ANO10: variants seen among roughly 807,000 people sequenced by gnomAD.
The protein encoded by ANO10 is anoctamin-10.
In ANO10, 77 loss-of-function variants were observed where a neutral mutation model predicts 74.7. The ratio of observed to expected loss-of-function variants is 1.03; its 90% CI spans 0.86 to 1.25. ANO10 has a LOEUF of 1.25. Among genes scored for constraint, ANO10 ranks in the 50% most tolerant of loss-of-function variants. The probability of loss-of-function intolerance (pLI) is 0.00; values close to 1 mark genes in which losing one functional copy is unlikely to be tolerated. For missense variants in ANO10, 721 were observed against 778.1 expected, an observed-to-expected ratio of 0.93 and a Z score of 0.87; for synonymous variants, 279 against 284.9, an observed-to-expected ratio of 0.98 and a Z score of 0.21.
intron 11 of ANO10, among the ~76,000 whole-genome samples, chr3:43,541,136 G>A (rs1175833427): frequency 6.6e-6 from 1 of 152,192 alleles, no homozygotes; most frequent in African/African-American, 2.4e-5. Flanking sequence ...GCTCAACAAT[G>A]GGAAATGGTG....
intron 11 of ANO10, chr3:43,485,927 G>T: frequency 8.4e-6 from 2 of 238,446 alleles, no homozygotes. Context: ...TACAGTTTAT[G>T]TCTTTACAGT....
chr3:43,430,008 C>A (rs942333074), intron 12 of ANO10, among the ~76,000 whole-genome samples: 16 of 152,238 alleles, frequency 1.1e-4, no homozygotes, highest in Non-Finnish European at 2.1e-4. Flanking sequence ...AAAGAATGTC[C>A]ATTTCCCAAA....
rs2091419250 is a variant in ANO10 at position 43,366,623 on chromosome 3, C to G, written c.*283G>C. Reference sequence around the variant, plus strand: ...CTCATGGTGAGAGGCTCAAGGGCGGCAGTGGCTCTGCAGCAAAGTTGGCAG... The same window carrying G: ...CTCATGGTGAGAGGCTCAAGGGCGGGAGTGGCTCTGCAGCAAAGTTGGCAG... On this transcript the variant is annotated 3_prime_UTR_variant, in exon 13 of 13. Transcript: ENST00000292246. 3.8e-6 allele frequency: 2 copies of G among 520,698 alleles called. No homozygotes were observed. The highest frequency in any genetic ancestry group is 7.0e-6 in the Non-Finnish European group (2 of 286,830). 32.3% of individuals were successfully genotyped at this position (520,698 alleles called of 1,614,324 possible). A position where few individuals can be genotyped will look rare whatever the true frequency, so the allele number is the denominator to read the frequency against.
At position 43,584,519 on chromosome 3, in the gene ANO10, G is replaced by A. The variant is rs115864368; in HGVS notation, c.473-4047C>T. Among the ~76,000 whole-genome samples, 1,417 of 152,294 alleles carry A rather than the reference G, an allele frequency of 9.3e-3. 12 individuals are homozygous for A. Among genetic ancestry groups the A allele is most frequent in the Non-Finnish European group, 0.014 (969 of 68,040 alleles). On this transcript the variant is annotated intron_variant, in intron 4 of 12. Transcript: ENST00000292246. ...CTAAGCAGCTGAGACAGGGCGAACA[G>A]TGTGAGAGAGCTAGTGTAAGTAAGC...
At chr3:43,389,935 G>A (rs1029453190) in intron 12 of ANO10, among the ~76,000 whole-genome samples, 2 of 152,024 alleles carry the variant, frequency 1.3e-5, no homozygotes, top group African/African-American at 4.8e-5. Context: ...ACAAAACAGC[G>A]GGTTGAGTCA....
At chr3:43,660,288 A>C (rs1256910509) in intron 1 of ANO10, among the ~76,000 whole-genome samples, 4 of 152,194 alleles carry the variant, frequency 2.6e-5, no homozygotes, top group Non-Finnish European at 4.4e-5. Flanking sequence ...GGTTGGTAAT[A>C]ACAAACTTCT....
chr3:43,633,841 C>G (rs1182519721), intron 1 of ANO10, among the ~76,000 whole-genome samples: 1 of 151,280 alleles, frequency 6.6e-6, no homozygotes. Flanking sequence ...CCCATGGGAA[C>G]ATGTGGAAGA....
chr3:43,444,912 A>G (rs1396736237), intron 11 of ANO10, among the ~76,000 whole-genome samples: 1 of 152,162 alleles, frequency 6.6e-6, no homozygotes, highest in African/African-American at 2.4e-5. Flanking sequence ...TCACTAGGTC[A>G]GGAGATCGAG....
At chr3:43,630,760 A>T (rs752910387) in intron 1 of ANO10, among the ~76,000 whole-genome samples, 2 of 152,166 alleles carry the variant, frequency 1.3e-5, no homozygotes, top group African/African-American at 4.8e-5. Context: ...TATTCTGTCT[A>T]ATTCTTTTAA....
intron 11 of ANO10, among the ~76,000 whole-genome samples, chr3:43,521,599 A>AC (rs1309795288): frequency 6.6e-6 from 1 of 152,222 alleles, no homozygotes; most frequent in Non-Finnish European, 1.5e-5. Flanking sequence ...AGGAGGTACT[A>AC]CTTCACATCC....
In ANO10 at chr3:43,366,620, C is replaced by T. The variant is rs1253438695; in HGVS notation, c.*286G>A. The T allele has an allele frequency of 2.1e-5, 11 of 511,872 alleles. No homozygotes were observed. Among genetic ancestry groups the T allele is most frequent in the East Asian group, 7.2e-5 (2 of 27,640 alleles). The allele number at this position is 511,872 out of a possible 1,614,324, so 31.7% of individuals were successfully genotyped here. ...TCACTCATGGTGAGAGGCTCAAGGGCGGCAGTGGCTCTGCAGCAAAGTTGG... is the reference window on the plus strand; with the variant it reads ...TCACTCATGGTGAGAGGCTCAAGGGTGGCAGTGGCTCTGCAGCAAAGTTGG... On this transcript the variant is annotated 3_prime_UTR_variant, in exon 13 of 13. Transcript: ENST00000292246.
At chr3:43,423,030 G>T (rs946415193) in intron 12 of ANO10, among the ~76,000 whole-genome samples, 1 of 151,708 alleles carries the variant, frequency 6.6e-6, no homozygotes, top group African/African-American at 2.4e-5. Context: ...AACTATTTTA[G>T]AATTCTTTCT....
In ANO10 at chr3:43,621,901, C is replaced by A. The variant is rs1308222115; in HGVS notation, c.-12+8G>T. The A allele has an allele frequency of 6.6e-6, 1 of 152,424 alleles. No individual in the cohort carries two copies. Among genetic ancestry groups the A allele is most frequent in the Admixed American group, 6.5e-5 (1 of 15,286 alleles). The allele number at this position is 152,424 out of a possible 1,614,324, so 9.4% of individuals were successfully genotyped here. A position where few individuals can be genotyped will look rare whatever the true frequency, so the allele number is the denominator to read the frequency against. On this transcript the variant is annotated splice_region_variant and intron_variant, in intron 1 of 12. Coordinates refer to ENST00000292246, the MANE Select transcript of ANO10 (RefSeq NM_018075.5). Reference sequence around the variant, plus strand: ...GCTGGGGGGTCCGAGGTGCCCTCCCCGACTCACCAGCCGCCGCAGCGCTCC... The same window carrying A: ...GCTGGGGGGTCCGAGGTGCCCTCCCAGACTCACCAGCCGCCGCAGCGCTCC...
intron 12 of ANO10, among the ~76,000 whole-genome samples, chr3:43,417,022 G>A (rs537072567): frequency 1.3e-5 from 2 of 152,270 alleles, no homozygotes; most frequent in East Asian, 1.9e-4. Flanking sequence ...TGTGCCCAAA[G>A]CTGTGCTAGG....
chr3:43,645,282 A>C (rs955126630), intron 1 of ANO10, among the ~76,000 whole-genome samples: 1 of 152,176 alleles, frequency 6.6e-6, no homozygotes, highest in African/African-American at 2.4e-5. Flanking sequence ...CAAGGTCAAG[A>C]GATTGAGACC....
chr3:43,593,367 G>A (rs1268260951), intron 4 of ANO10, among the ~76,000 whole-genome samples: 4 of 152,192 alleles, frequency 2.6e-5, no homozygotes, highest in South Asian at 2.1e-4. Flanking sequence ...GAGAAAGGTC[G>A]GGTTACCCAC....
At chr3:43,596,937 T>C (rs1360682774) in intron 4 of ANO10, among the ~76,000 whole-genome samples, 3 of 151,854 alleles carry the variant, frequency 2.0e-5, no homozygotes, top group Non-Finnish European at 4.4e-5. Flanking sequence ...AACAACCCCA[T>C]CGAAAAGTGG....
chr3:43,683,467 C>A (rs552073225), intron 1 of ANO10, among the ~76,000 whole-genome samples: 3 of 152,042 alleles, frequency 2.0e-5, no homozygotes, highest in Admixed American at 6.6e-5. Context: ...ATGCTCATGG[C>A]TAGGAAGAAT....
chr3:43,617,537 T>G (rs1222405023), intron 1 of ANO10, among the ~76,000 whole-genome samples: 1 of 152,142 alleles, frequency 6.6e-6, no homozygotes, highest in Non-Finnish European at 1.5e-5. Flanking sequence ...GCTTTTACAT[T>G]AACAACTGGA....
Sources: gnomAD v4.1 joint callset for allele counts (sites outside exome capture counted in the v4.1 genomes callset) on GRCh38, gnomAD v4.1.1 for gene constraint, MANE v1.5 for transcripts, NCBI Gene and HGNC (gene_info 2026-07-23, HGNC 2026-07-21) for gene names.